Variants in RNF144A observed in about 807,000 individuals in gnomAD.
The protein encoded by RNF144A is E3 ubiquitin-protein ligase RNF144A.
A neutral mutation model predicts 38.7 loss-of-function variants in RNF144A; 11 were observed. The ratio of observed to expected loss-of-function variants is 0.28; its 90% CI spans 0.18 to 0.47. The LOEUF is 0.47. Ranked by LOEUF, RNF144A falls within the 20% of genes least tolerant of loss-of-function variation. The pLI is 0.99. For missense variants in RNF144A, 316 were observed against 377.2 expected (o/e 0.84, Z 1.34); for synonymous variants, 149 against 143.9 (o/e 1.04, Z -0.25).
chr2:7,011,698 A>G (rs1040509031), intron 3 of RNF144A, among the ~76,000 whole-genome samples: 13 of 152,224 alleles, frequency 8.5e-5, no homozygotes, highest in Non-Finnish European at 1.9e-4. Context: ...TGTATTTTAC[A>G]GAAGTTTCTC....
intron 1 of RNF144A, among the ~76,000 whole-genome samples, chr2:6,938,250 CTT>C (rs36100558): frequency 3.1e-4 from 35 of 114,508 alleles, no homozygotes; most frequent in Admixed American, 4.5e-4. Flanking sequence ...CCTCCCCTCC[CTT>C]TTTTTTTTTT....
chr2:7,020,756 G>A (rs1038167506), intron 6 of RNF144A, 76 bp downstream of exon 6: 6 of 1,394,164 alleles, frequency 4.3e-6, no homozygotes, highest in South Asian at 1.2e-5. Flanking sequence ...CTTCCTAAAA[G>A]TGCTGTTACA....
At chr2:6,927,392 T>C (rs896073036) in intron 1 of RNF144A, among the ~76,000 whole-genome samples, 5 of 152,258 alleles carry the variant, frequency 3.3e-5, no homozygotes, top group African/African-American at 1.2e-4. Context: ...TTGTTTTTTT[T>C]CTGTCCCTGG....
At chr2:6,994,544 G>C (rs1425607436) in intron 2 of RNF144A, among the ~76,000 whole-genome samples, 2 of 152,048 alleles carry the variant, frequency 1.3e-5, no homozygotes, top group East Asian at 3.9e-4. Flanking sequence ...AAGGTGTAGA[G>C]AAATGATCCA....
At chr2:6,928,644 C>T (rs1009875274) in intron 1 of RNF144A, among the ~76,000 whole-genome samples, 4 of 152,214 alleles carry the variant, frequency 2.6e-5, no homozygotes, top group Admixed American at 6.5e-5. Flanking sequence ...TCCTTTCTGG[C>T]GACTGCGCAT....
intron 2 of RNF144A, among the ~76,000 whole-genome samples, chr2:6,957,051 A>G (rs1349295077): frequency 6.6e-6 from 1 of 152,168 alleles, no homozygotes; most frequent in Non-Finnish European, 1.5e-5. Flanking sequence ...GGCCCCCAGC[A>G]CACTCCAACT....
chr2:6,947,129 T>C (rs892851381), intron 2 of RNF144A, among the ~76,000 whole-genome samples: 1 of 152,180 alleles, frequency 6.6e-6, no homozygotes, highest in African/African-American at 2.4e-5. Context: ...ACAAAATTGA[T>C]CTTGAATTGA....
chr2:6,956,106 C>T (rs1666979669), intron 2 of RNF144A, among the ~76,000 whole-genome samples: 1 of 152,114 alleles, frequency 6.6e-6, no homozygotes, highest in Admixed American at 6.5e-5. Context: ...CCCTCCTAAC[C>T]CATTTAAAGC....
intron 1 of RNF144A, 21 bp from the exon 2 acceptor site, chr2:6,940,927 T>C (rs1055583085): frequency 1.3e-5 from 2 of 152,438 alleles, no homozygotes; most frequent in Non-Finnish European, 2.9e-5. Flanking sequence ...TAACTGCCTG[T>C]GTTCTTCTCT....
At chr2:7,055,668 C>A (rs1673714874) in intron 6 of RNF144A, among the ~76,000 whole-genome samples, 1 of 152,204 alleles carries the variant, frequency 6.6e-6, no homozygotes, top group Admixed American at 6.5e-5. Context: ...CCAGCAGGTA[C>A]CATTTATTAA....
chr2:6,962,855 G>T lies in RNF144A; in HGVS notation c.-12+21708G>T, dbSNP rs1295025383. Among the ~76,000 whole-genome samples the T allele has an allele frequency of 6.6e-6, 1 of 152,184 alleles. No homozygotes were observed. The highest frequency in any genetic ancestry group is 1.5e-5 in the Non-Finnish European group (1 of 68,022). On this transcript the variant is annotated intron_variant, in intron 2 of 8. Transcript: ENST00000320892. This position sits in a 1 kb window ranked among gnomAD's most constrained non-coding sequence, Gnocchi z 4.1. Reference sequence around the variant, plus strand: ...TGGCCCAGCCTTGCTGGTCTCCATGGTTTATGCCATCATGATGCCAGTGTT... The same window carrying T: ...TGGCCCAGCCTTGCTGGTCTCCATGTTTTATGCCATCATGATGCCAGTGTT...
intron 2 of RNF144A, among the ~76,000 whole-genome samples, chr2:6,948,425 A>G (rs1389153679): frequency 3.3e-5 from 5 of 152,190 alleles, no homozygotes; most frequent in Non-Finnish European, 5.9e-5. Context: ...CATGTTTATA[A>G]ATGAATTTCC....
intron 1 of RNF144A, among the ~76,000 whole-genome samples, chr2:6,940,253 T>C (rs1333559476): frequency 6.6e-6 from 1 of 152,162 alleles, no homozygotes; most frequent in Non-Finnish European, 1.5e-5. Context: ...CTTTTAATGA[T>C]GTTTTGGTAG....
chr2:6,981,883 A>G (rs544301023), intron 2 of RNF144A, among the ~76,000 whole-genome samples: 1 of 152,356 alleles, frequency 6.6e-6, no homozygotes, highest in South Asian at 2.1e-4. Flanking sequence ...TGAAGAAAAA[A>G]GATTTAATTG....
Position 6,962,033 on chromosome 2 carries a change from T to C in RNF144A, c.-12+20886T>C, listed in dbSNP as rs534798920. Among the ~76,000 whole-genome samples, 1 of 152,298 alleles carries C rather than the reference T, an allele frequency of 6.6e-6. No homozygotes were observed. Among genetic ancestry groups the C allele is most frequent in the East Asian group, 1.9e-4 (1 of 5,186 alleles). On this transcript the variant is annotated intron_variant, in intron 2 of 8. Coordinates refer to ENST00000320892, the MANE Select transcript of RNF144A (RefSeq NM_014746.6). The surrounding 1 kb of genome is among the most constrained non-coding windows in gnomAD (Gnocchi z 4.1). ...AGTGAGGTTGACAGTGGAAGTTTAA[T>C]AGGTGAAAGAAAGAGAATAGCTCTC...
At chr2:7,031,578 C>T (rs1451457106) in intron 8 of RNF144A, among the ~76,000 whole-genome samples, 1 of 152,170 alleles carries the variant, frequency 6.6e-6, no homozygotes, top group Non-Finnish European at 1.5e-5. Flanking sequence ...GCCTGCTCCT[C>T]GAGAGGCGTG....
At chr2:7,013,254 C>A (rs1156520252) in intron 3 of RNF144A, among the ~76,000 whole-genome samples, 3 of 152,126 alleles carry the variant, frequency 2.0e-5, no homozygotes, top group Admixed American at 1.3e-4. Flanking sequence ...CCCTAAATTG[C>A]AGATCAGGAA....
chr2:6,932,169 CT>C (rs1362031871), intron 1 of RNF144A, among the ~76,000 whole-genome samples: 1 of 152,150 alleles, frequency 6.6e-6, no homozygotes. Context: ...TGATGACCCT[CT>C]TTGTTGTGAT....
chr2:6,922,626 CTTT>C (rs1209204554), intron 1 of RNF144A, among the ~76,000 whole-genome samples: 5 of 136,924 alleles, frequency 3.7e-5, no homozygotes, highest in Admixed American at 7.3e-5. Flanking sequence ...TCTTGTTTTT[CTTT>C]TTTTTTTTTT....
Sources: gnomAD v4.1 joint callset for allele counts (sites outside exome capture counted in the v4.1 genomes callset) on GRCh38, gnomAD v4.1.1 for gene constraint, Gnocchi (gnomAD v3.1) non-coding constraint, MANE v1.5 for transcripts, NCBI Gene and HGNC (gene_info 2026-07-23, HGNC 2026-07-21) for gene names.